GTF2I: variants seen among roughly 807,000 people sequenced by gnomAD.
GTF2I encodes general transcription factor IIi, also known as general transcription factor II-I.
GTF2I carries 12 observed loss-of-function variants against 67.6 expected under a neutral mutation model. The ratio of observed to expected loss-of-function variants is 0.18; its 90% CI spans 0.11 to 0.29. GTF2I has a LOEUF of 0.29. Ranked by LOEUF, GTF2I falls within the 10% of genes least tolerant of loss-of-function variation. The pLI, the probability that GTF2I is intolerant of heterozygous loss-of-function variation, is 1.00. For missense variants in GTF2I, 271 were observed against 580.1 expected, an observed-to-expected ratio of 0.47 and a Z score of 5.47; for synonymous variants, 149 against 197.0, an observed-to-expected ratio of 0.76 and a Z score of 2.04.
intron 8 of GTF2I, among the ~76,000 whole-genome samples, chr7:74,709,616 T>C (rs2131389529): frequency 6.6e-6 from 1 of 152,242 alleles, no homozygotes; most frequent in Middle Eastern, 3.4e-3. Flanking sequence ...CTGAAGGGTC[T>C]GAATCCCCAG....
At chr7:74,685,564 C>A (rs1311929729) in intron 1 of GTF2I, among the ~76,000 whole-genome samples, 2 of 152,110 alleles carry the variant, frequency 1.3e-5, no homozygotes, top group Non-Finnish European at 2.9e-5. Flanking sequence ...GTCAGAAGTT[C>A]CAGACCAGCC....
At chr7:74,716,099 C>A (rs1792228839) in intron 10 of GTF2I, among the ~76,000 whole-genome samples, 1 of 151,840 alleles carries the variant, frequency 6.6e-6, no homozygotes, top group Non-Finnish European at 1.5e-5. Flanking sequence ...CAGTGTTTTT[C>A]AATCTTTTCC....
chr7:74,717,808 A>G (rs1792443753), intron 11 of GTF2I, among the ~76,000 whole-genome samples: 1 of 152,168 alleles, frequency 6.6e-6, no homozygotes, highest in Non-Finnish European at 1.5e-5. Context: ...TCCCCAGTAT[A>G]GGCTGGTTTC....
chr7:74,706,872 A>G (rs1287767483), intron 8 of GTF2I, among the ~76,000 whole-genome samples: 1 of 152,108 alleles, frequency 6.6e-6, no homozygotes, highest in Non-Finnish European at 1.5e-5. Flanking sequence ...ATTTTTTGAG[A>G]TGGAGTCTTG....
chr7:74,674,696 G>A (rs1554391812), intron 1 of GTF2I, among the ~76,000 whole-genome samples: 5 of 148,986 alleles, frequency 3.4e-5, no homozygotes, highest in African/African-American at 1.2e-4. Context: ...GAGCCACCAC[G>A]CTCAACTAAT....
intron 3 of GTF2I, among the ~76,000 whole-genome samples, chr7:74,694,004 A>G (rs782401530): frequency 6.6e-6 from 1 of 152,232 alleles, no homozygotes; most frequent in Non-Finnish European, 1.5e-5. Flanking sequence ...GCTGAAAGCT[A>G]GGCTGAACAG....
chr7:74,662,429 C>G (rs1282759282), intron 1 of GTF2I, among the ~76,000 whole-genome samples: 1 of 148,398 alleles, frequency 6.7e-6, no homozygotes, highest in Non-Finnish European at 1.5e-5. Context: ...AGGCTGGTCT[C>G]GAACTCCTGA....
intron 1 of GTF2I, among the ~76,000 whole-genome samples, chr7:74,664,631 C>A (rs1554387868): frequency 6.6e-6 from 1 of 151,952 alleles, no homozygotes; most frequent in Non-Finnish European, 1.5e-5. Flanking sequence ...ACAGGTTTCA[C>A]CATGTTGGCC....
chr7:74,718,991 A>G, intron 12 of GTF2I, 50 bp downstream of exon 12: 1 of 923,080 alleles, frequency 1.1e-6, no homozygotes, highest in African/African-American at 1.7e-5. Flanking sequence ...GGTCATAAAA[A>G]TACTTGTCAC....
intron 1 of GTF2I, among the ~76,000 whole-genome samples, chr7:74,680,420 C>T (rs1029932689): frequency 1.4e-4 from 21 of 151,766 alleles, no homozygotes; most frequent in Non-Finnish European, 2.4e-4. Flanking sequence ...AATCTTCAAG[C>T]GCGTTCTTCC....
intron 1 of GTF2I, among the ~76,000 whole-genome samples, chr7:74,671,274 A>T (rs1160108307): frequency 6.6e-6 from 1 of 151,494 alleles, no homozygotes; most frequent in Non-Finnish European, 1.5e-5. Context: ...TTTGGTAGAG[A>T]CAGAATTTCA....
chr7:74,720,801 G>A (rs1226600575), intron 12 of GTF2I, among the ~76,000 whole-genome samples: 3 of 145,258 alleles, frequency 2.1e-5, no homozygotes, highest in South Asian at 2.2e-4. Flanking sequence ...GGAGTGCAGT[G>A]GTGCGATCTC....
chr7:74,732,197 C>T (rs1295743777), intron 14 of GTF2I, among the ~76,000 whole-genome samples: 1 of 147,862 alleles, frequency 6.8e-6, no homozygotes, highest in African/African-American at 2.5e-5. Flanking sequence ...CACAGTGAAA[C>T]CCCCGTCTCT....
At chr7:74,729,805 A>G (rs1256946008) in intron 13 of GTF2I, among the ~76,000 whole-genome samples, 1 of 151,798 alleles carries the variant, frequency 6.6e-6, no homozygotes, top group Non-Finnish European at 1.5e-5. Flanking sequence ...AGTTGCAACT[A>G]TATATCCGTA....
intron 12 of GTF2I, among the ~76,000 whole-genome samples, chr7:74,725,930 T>C (rs962972732): frequency 1.3e-5 from 2 of 152,066 alleles, no homozygotes; most frequent in African/African-American, 2.4e-5. Flanking sequence ...CTAAAATGTT[T>C]GTGTGACTGA....
intron 14 of GTF2I, among the ~76,000 whole-genome samples, chr7:74,731,534 G>GT (rs1794475929): frequency 8.0e-6 from 1 of 124,236 alleles, no homozygotes; most frequent in African/African-American, 3.1e-5. Context: ...GTGGTTTTTT[G>GT]TTTTTTGTTT....
At chr7:74,718,835 A>AT in intron 11 of GTF2I, 44 bp from the exon 12 acceptor site, 2 of 978,410 alleles carry the variant, frequency 2.0e-6, no homozygotes. Context: ...ATATGGAAAC[A>AT]TGCTTAATAA....
intron 1 of GTF2I, among the ~76,000 whole-genome samples, chr7:74,662,204 CTTTTTTTTTTTTTT>C (rs59914241): frequency 5.6e-4 from 46 of 82,598 alleles, no homozygotes; most frequent in African/African-American, 1.9e-3. Context: ...TTTTTTCTTT[CTTTTTTTTTTTTTT>C]TTTTTTTTTT....
intron 1 of GTF2I, among the ~76,000 whole-genome samples, chr7:74,668,345 G>A (rs1336900195): frequency 2.0e-5 from 3 of 151,128 alleles, no homozygotes; most frequent in Non-Finnish European, 4.4e-5. Flanking sequence ...GTGTGTGTGT[G>A]TGTGTGTGTG....
Sources: allele counts gnomAD v4.1 joint callset (sites outside exome capture counted in the v4.1 genomes callset), GRCh38; gene constraint gnomAD v4.1.1; transcripts MANE v1.5; gene names NCBI Gene and HGNC (gene_info 2026-07-23, HGNC 2026-07-21).